GSE1: variants seen among roughly 807,000 people sequenced by gnomAD.
The protein encoded by GSE1 is genetic suppressor element 1.
A neutral mutation model predicts 112.6 loss-of-function variants in GSE1; 32 were observed. That is an observed-to-expected ratio of 0.28 (90% confidence interval 0.21 to 0.38). The LOEUF is 0.38. GSE1 is among the 10% of genes least tolerant of loss of function. The pLI, the probability that GSE1 is intolerant of heterozygous loss-of-function variation, is 1.00. For synonymous variants in GSE1, 1,115 were observed against 735.6 expected, an observed-to-expected ratio of 1.52 and a Z score of -8.35; for missense variants, 2,348 against 1,699.2, an observed-to-expected ratio of 1.38 and a Z score of -6.71.
chr16:85,583,225 T>C (rs558723188), intron 1 of GSE1: 1 of 152,352 alleles, frequency 6.6e-6, no homozygotes, highest in Admixed American at 6.5e-5. Context: ...GATTCTCAGT[T>C]GGGGGTTCCT....
chr16:85,627,787 T>C (rs988183593), intron 1 of GSE1, among the ~76,000 whole-genome samples: 15 of 152,162 alleles, frequency 9.9e-5, no homozygotes, highest in African/African-American at 3.1e-4. Context: ...ATTCAGTCAA[T>C]GTCCAGGAGC....
intron 2 of GSE1, among the ~76,000 whole-genome samples, chr16:85,496,531 G>A (rs1052256156): frequency 1.3e-4 from 20 of 152,222 alleles, no homozygotes. Context: ...CGGAGTGGCA[G>A]CCAGGCCAGC....
intron 2 of GSE1, among the ~76,000 whole-genome samples, chr16:85,424,948 C>T (rs1023233871): frequency 9.2e-5 from 14 of 152,364 alleles, no homozygotes; most frequent in Non-Finnish European, 1.8e-4. Flanking sequence ...AGGGCCTCTT[C>T]GGGTTGCAGG....
intron 1 of GSE1, among the ~76,000 whole-genome samples, chr16:85,309,408 C>T (rs1286295916): frequency 1.3e-5 from 2 of 152,026 alleles, no homozygotes; most frequent in Admixed American, 6.6e-5. Context: ...GCAGGAGGAT[C>T]GCTTGAACCC....
At chr16:85,267,577 C>T (rs1019638842) in intron 1 of GSE1, among the ~76,000 whole-genome samples, 2 of 152,172 alleles carry the variant, frequency 1.3e-5, no homozygotes, top group Admixed American at 1.3e-4. Context: ...GCTGCTCTCC[C>T]CCAGCACCTG....
chr16:85,626,895 C>T (rs908927910), intron 1 of GSE1, among the ~76,000 whole-genome samples: 7 of 151,934 alleles, frequency 4.6e-5, no homozygotes, highest in Non-Finnish European at 8.8e-5. Flanking sequence ...TCGTTTAAAT[C>T]CTGCTGTTGG....
chr16:85,228,496 A>G (rs1413060295), intron 1 of GSE1, among the ~76,000 whole-genome samples: 5 of 152,160 alleles, frequency 3.3e-5, no homozygotes, highest in Non-Finnish European at 5.9e-5. Flanking sequence ...TGGGAGGTGG[A>G]TAGGGTGTTT....
chr16:85,423,683 T>C (rs973403955), intron 2 of GSE1, among the ~76,000 whole-genome samples: 4 of 151,726 alleles, frequency 2.6e-5, no homozygotes, highest in African/African-American at 4.8e-5. Flanking sequence ...AGTGGGAGTC[T>C]TACTCCACCA....
chr16:85,439,144 C>T (rs2049317412), intron 2 of GSE1, among the ~76,000 whole-genome samples: 1 of 152,238 alleles, frequency 6.6e-6, no homozygotes, highest in Non-Finnish European at 1.5e-5. Context: ...TCTGCAGACC[C>T]GGGGGACGTG....
Position 85,300,096 on chromosome 16 carries a change from C to G in GSE1, c.2284-57367C>G, listed in dbSNP as rs1267724419. ...GCACCATCTCAGCTCACCGTAACCT[C>G]TGCCTCCCGGGTTCAAGTGATTCTC... On this transcript the variant is annotated intron_variant, in intron 1 of 2. Transcript: ENST00000637419. Among the ~76,000 whole-genome samples the G allele has an allele frequency of 3.3e-5, 5 of 152,070 alleles. No homozygotes were observed. In the East Asian group the frequency reaches 9.6e-4, roughly 29 times the overall value.
chr16:85,665,027 T>A lies in GSE1; in HGVS notation c.2657T>A (p.Leu886His). The A allele has an allele frequency of 6.2e-7, 1 of 1,605,566 alleles. No individual in the cohort carries two copies. Among genetic ancestry groups the A allele is most frequent in the South Asian group, 1.1e-5 (1 of 90,868 alleles). The change falls in exon 12 of 16, where the codon CTT (leucine) becomes CAT (histidine). Residue 886 changes from leucine to histidine, a missense_variant. Coordinates refer to ENST00000253458, the MANE Select transcript of GSE1 (RefSeq NM_014615.5). ...SAEKRKDKER[L>H]VEMLRAMKQK... ...GCTTTTCTCATAGACAAAGAGAGAC[T>A]TGTTGAAATGCTCCGTGCCATGAAG...
intron 1 of GSE1, among the ~76,000 whole-genome samples, chr16:85,557,187 G>T (rs2045272021): frequency 6.6e-6 from 1 of 152,146 alleles, no homozygotes; most frequent in Non-Finnish European, 1.5e-5. Context: ...GAACCCCAGG[G>T]TTCTTCCCCA....
chr16:85,475,753 G>T (rs927662411), intron 2 of GSE1, among the ~76,000 whole-genome samples: 2 of 150,626 alleles, frequency 1.3e-5, no homozygotes, highest in African/African-American at 4.9e-5. Flanking sequence ...AGCTTTGGGG[G>T]AATGTTTCTT....
At chr16:85,631,753 G>A (rs912961876) in intron 1 of GSE1, among the ~76,000 whole-genome samples, 5 of 152,256 alleles carry the variant, frequency 3.3e-5, no homozygotes, top group South Asian at 2.1e-4. Context: ...CTGTTACCCC[G>A]TTTGGTAGAT....
At chr16:85,359,095 T>C (rs1271805239) in intron 2 of GSE1, among the ~76,000 whole-genome samples, 3 of 152,130 alleles carry the variant, frequency 2.0e-5, no homozygotes, top group South Asian at 4.1e-4. Context: ...CAGGGAGTTA[T>C]GATTTGTTTG....
At chr16:85,227,099 T>G (rs997513076) in intron 1 of GSE1, among the ~76,000 whole-genome samples, 1 of 149,904 alleles carries the variant, frequency 6.7e-6, no homozygotes, top group African/African-American at 2.5e-5. Flanking sequence ...CAGTCCTTCT[T>G]TTCATCCATC....
chr16:85,294,196 C>T (rs954554110), intron 1 of GSE1, among the ~76,000 whole-genome samples: 4 of 152,214 alleles, frequency 2.6e-5, no homozygotes, highest in Non-Finnish European at 4.4e-5. Flanking sequence ...TCCTTCCCTC[C>T]ACCCCAGAGC....
chr16:85,553,326 G>C (rs1256110190), upstream of GSE1, among the ~76,000 whole-genome samples: 1 of 150,838 alleles, frequency 6.6e-6, no homozygotes. Context: ...GCGGGTGCAA[G>C]GGGAGGCGCA....
intron 1 of GSE1, among the ~76,000 whole-genome samples, chr16:85,599,475 C>T (rs768180800): frequency 1.2e-4 from 19 of 152,292 alleles, no homozygotes; most frequent in Non-Finnish European, 2.2e-4. Context: ...GGTGGTGACA[C>T]GGGACCAGCT....
Sources: gnomAD v4.1 joint callset for allele counts (sites outside exome capture counted in the v4.1 genomes callset) on GRCh38, gnomAD v4.1.1 for gene constraint, MANE v1.5 for transcripts, NCBI Gene and HGNC (gene_info 2026-07-23, HGNC 2026-07-21) for gene names.